ANO2: variants seen among roughly 807,000 people sequenced by gnomAD.
The protein encoded by ANO2 is anoctamin 2.
A neutral mutation model predicts 124.2 loss-of-function variants in ANO2; 101 were observed. The ratio of observed to expected loss-of-function variants is 0.81; its 90% CI spans 0.69 to 0.96. The LOEUF is 0.96. ANO2 is among the 40% of genes least tolerant of loss of function. ANO2 has a pLI of 0.00. For synonymous variants in ANO2, 486 were observed against 482.5 expected (o/e 1.01, Z -0.09); for missense variants, 1,293 against 1,274.5 (o/e 1.01, Z -0.22).
intron 16 of ANO2, among the ~76,000 whole-genome samples, chr12:5,624,847 G>A (rs1450975264): frequency 6.6e-6 from 1 of 152,212 alleles, no homozygotes; most frequent in African/African-American, 2.4e-5. Flanking sequence ...GTTTTGGTCA[G>A]AGTGGTCAGG....
At chr12:5,873,064 C>T (rs1275815584) in intron 3 of ANO2, among the ~76,000 whole-genome samples, 1 of 152,320 alleles carries the variant, frequency 6.6e-6, no homozygotes, top group East Asian at 1.9e-4. Flanking sequence ...AGCACTCCAT[C>T]CTTATTTGCA....
chr12:5,719,112 T>C (rs1950126735), intron 14 of ANO2, among the ~76,000 whole-genome samples: 1 of 152,232 alleles, frequency 6.6e-6, no homozygotes, highest in South Asian at 2.1e-4. Context: ...CTTTAGGACT[T>C]AGGAGACCCT....
chr12:5,723,554 G>A (rs1950321743), intron 14 of ANO2, among the ~76,000 whole-genome samples: 1 of 146,058 alleles, frequency 6.8e-6, no homozygotes, highest in Non-Finnish European at 1.5e-5. Flanking sequence ...GACTGGGGAT[G>A]TGACTGGGAC....
chr12:5,713,411 G>A (rs1369248605), intron 14 of ANO2, among the ~76,000 whole-genome samples: 1 of 152,170 alleles, frequency 6.6e-6, no homozygotes, highest in Non-Finnish European at 1.5e-5. Flanking sequence ...AGTGTTTAAA[G>A]TTCTCTGTGG....
At chr12:5,589,256 T>C (rs999869524) in intron 20 of ANO2, among the ~76,000 whole-genome samples, 1 of 152,124 alleles carries the variant, frequency 6.6e-6, no homozygotes, top group Non-Finnish European at 1.5e-5. Flanking sequence ...CCTTCTCTTA[T>C]TTCCCTGGCT....
intron 3 of ANO2, among the ~76,000 whole-genome samples, chr12:5,882,014 C>A (rs116475007): frequency 1.2e-3 from 181 of 152,136 alleles, no homozygotes; most frequent in African/African-American, 4.2e-3. Context: ...CTAGAGAAGG[C>A]AAAGAAAGAG....
chr12:5,924,260 G>A (rs963557924), intron 1 of ANO2, among the ~76,000 whole-genome samples: 6 of 152,206 alleles, frequency 3.9e-5, no homozygotes, highest in South Asian at 2.1e-4. Context: ...TAGAACATTC[G>A]GTCCCTGCAC....
At chr12:5,761,752 A>C (rs1163422543) in intron 10 of ANO2, among the ~76,000 whole-genome samples, 1 of 152,150 alleles carries the variant, frequency 6.6e-6, no homozygotes, top group East Asian at 1.9e-4. Flanking sequence ...ACTAACCCAA[A>C]TGTTTTTCAA....
At chr12:5,621,580 C>A (rs556483606) in intron 16 of ANO2, among the ~76,000 whole-genome samples, 1 of 152,062 alleles carries the variant, frequency 6.6e-6, no homozygotes, top group Non-Finnish European at 1.5e-5. Context: ...GGGGAGGGCC[C>A]GCTGGGAATT....
chr12:5,802,902 C>T (rs1397310967), intron 9 of ANO2, among the ~76,000 whole-genome samples: 1 of 152,176 alleles, frequency 6.6e-6, no homozygotes, highest in Non-Finnish European at 1.5e-5. Flanking sequence ...AGGAACCATC[C>T]CACCTGATGG....
intron 3 of ANO2, among the ~76,000 whole-genome samples, chr12:5,874,174 T>C (rs1044046332): frequency 4.6e-5 from 7 of 152,062 alleles, no homozygotes; most frequent in Non-Finnish European, 7.4e-5. Context: ...TACAGAAAAT[T>C]TACAAAAGAG....
At chr12:5,580,120 C>T (rs147364973) in intron 20 of ANO2, among the ~76,000 whole-genome samples, 556 of 152,254 alleles carry the variant, frequency 3.7e-3, no homozygotes, top group African/African-American at 0.013. Flanking sequence ...GTAGGACTCC[C>T]CTACATACTA....
At chr12:5,919,487 CA>C (rs1941572983) in intron 3 of ANO2, among the ~76,000 whole-genome samples, 47 of 142,018 alleles carry the variant, frequency 3.3e-4, no homozygotes, top group East Asian at 8.4e-4. Flanking sequence ...GAGAGGGCAA[CA>C]GCACAAAGAC....
chr12:5,603,861 C>T (rs1944068737), intron 19 of ANO2, among the ~76,000 whole-genome samples: 1 of 140,874 alleles, frequency 7.1e-6, no homozygotes, highest in South Asian at 2.3e-4. Context: ...AGGAGAATGG[C>T]ATGAACCCGG....
chr12:5,928,719 C>T (rs1405844317), intron 1 of ANO2, among the ~76,000 whole-genome samples: 1 of 92,686 alleles, frequency 1.1e-5, no homozygotes, highest in Non-Finnish European at 2.1e-5. Context: ...CACTTTCTTA[C>T]CAGTCTTCCT....
intron 16 of ANO2, among the ~76,000 whole-genome samples, chr12:5,621,488 T>C (rs1411002883): frequency 6.6e-6 from 1 of 151,870 alleles, no homozygotes; most frequent in African/African-American, 2.4e-5. Flanking sequence ...GCGGGGGTGC[T>C]GGAGTTGGAG....
At chr12:5,926,302 G>A (rs568057501) in intron 1 of ANO2, among the ~76,000 whole-genome samples, 14 of 152,246 alleles carry the variant, frequency 9.2e-5, no homozygotes, top group African/African-American at 2.2e-4. Flanking sequence ...CCTGGAGGAC[G>A]GCGATGCCCT....
chr12:5,913,435 G>A (rs531937611), intron 3 of ANO2, among the ~76,000 whole-genome samples: 15 of 152,318 alleles, frequency 9.8e-5, no homozygotes, highest in Admixed American at 2.0e-4. Context: ...GTGGGCTCAC[G>A]GCCCTGGCGC....
At chr12:5,778,282 A>G (rs1264287781) in intron 10 of ANO2, among the ~76,000 whole-genome samples, 1 of 152,240 alleles carries the variant, frequency 6.6e-6, no homozygotes, top group African/African-American at 2.4e-5. Context: ...GAGAAGTTAA[A>G]TGAGTATTAT....
Sources: allele counts gnomAD v4.1 joint callset (sites outside exome capture counted in the v4.1 genomes callset), GRCh38; gene constraint gnomAD v4.1.1; transcripts MANE v1.5; gene names NCBI Gene and HGNC (gene_info 2026-07-23, HGNC 2026-07-21).